The following RCN2 variants were observed in gnomAD, a reference collection of about 807,000 sequenced individuals.
RCN2 encodes the protein reticulocalbin 2, also known as reticulocalbin-2.
Under a neutral mutation model 37.5 loss-of-function variants are expected in RCN2, and 23 were observed. That is an observed-to-expected ratio of 0.61 (90% CI 0.44 to 0.87). RCN2 has a LOEUF of 0.87. Ranked by LOEUF, RCN2 falls within the 40% of genes least tolerant of loss-of-function variation. The pLI, the probability that RCN2 is intolerant of heterozygous loss-of-function variation, is 0.00. For synonymous variants in RCN2, 140 were observed against 144.6 expected (o/e 0.97, Z 0.23); for missense variants, 381 against 390.4 (o/e 0.98, Z 0.20).
intron 3 of RCN2, chr15:76,941,632 T>G: frequency 6.8e-7 from 1 of 1,465,096 alleles, no homozygotes; most frequent in Non-Finnish European, 9.2e-7. Context: ...TTGTTATTTT[T>G]TTAGGAATTT....
chr15:76,946,625 G>A (rs766603457), intron 4 of RCN2, among the ~76,000 whole-genome samples: 9 of 152,158 alleles, frequency 5.9e-5, no homozygotes, highest in Non-Finnish European at 1.0e-4. Flanking sequence ...GGTGGCATAC[G>A]CCTGTAGTCC....
Position 76,954,065 on chromosome 15 carries a change from T to C in RCN2, c.*4843T>C, listed in dbSNP as rs1297921383. On this transcript the variant is annotated 3_prime_UTR_variant, in exon 7 of 7. Coordinates refer to ENST00000394885, the MANE Select transcript of RCN2 (RefSeq NM_002902.3). ...TTTTTTTTTTTTTCTTTTTTTTTTT[T>C]AATAGTAGCCATCCTGTTGGGTGAG... 6.6e-6 allele frequency: 1 copy of C among 151,008 alleles called. No homozygotes were observed. Among genetic ancestry groups the C allele is most frequent in the Non-Finnish European group, 1.5e-5 (1 of 67,774 alleles). 9.4% of individuals were successfully genotyped at this position (151,008 alleles called of 1,614,324 possible).
rs2075277333 is a variant in RCN2 at position 76,941,714 on chromosome 15, C to A, written c.448-2044C>A. 1.0e-5 allele frequency: 13 copies of A among 1,269,928 alleles called. No homozygotes were observed. In the East Asian group the frequency reaches 3.3e-4, roughly 32 times the overall value. 78.7% of individuals were successfully genotyped at this position (1,269,928 alleles called of 1,614,324 possible). On this transcript the variant is annotated intron_variant, in intron 3 of 6. Transcript: ENST00000394885. ...ATGTGAGCTATTCTTATTTTGTGTTCTTCAAATGGCCGTGAAATGTGAACC... is the reference window on the plus strand; with the variant it reads ...ATGTGAGCTATTCTTATTTTGTGTTATTCAAATGGCCGTGAAATGTGAACC...
rs747416501 is a variant in RCN2, at chr15:76,947,530, G to A, written c.658+13G>A. 1 of 1,489,040 alleles carries A rather than the reference G, an allele frequency of 6.7e-7. No individual in the cohort carries two copies. The highest frequency in any genetic ancestry group is 1.8e-5 in the Admixed American group (1 of 55,134). 92.2% of individuals were successfully genotyped at this position (1,489,040 alleles called of 1,614,324 possible). A position where few individuals can be genotyped will look rare whatever the true frequency, so the allele number is the denominator to read the frequency against. ...AGGTGGGATCCAAGTAAGTCACCTG[G>A]GAGAATGTGAAAAGAGAAAAGGAAT... On this transcript the variant is annotated intron_variant, in intron 5 of 6. Transcript: ENST00000394885.
intron 2 of RCN2, among the ~76,000 whole-genome samples, chr15:76,933,330 A>T (rs1275608833): frequency 1.3e-5 from 2 of 152,236 alleles, no homozygotes; most frequent in Non-Finnish European, 2.9e-5. Context: ...GTTGCTGGAG[A>T]CAATTAAAAA....
At chr15:76,937,415 T>G (rs1314821333) in intron 3 of RCN2, among the ~76,000 whole-genome samples, 1 of 152,078 alleles carries the variant, frequency 6.6e-6, no homozygotes, top group African/African-American at 2.4e-5. Flanking sequence ...ACTCCTTTTT[T>G]TTTTTTATTT....
At chr15:76,939,717 G>A (rs1440607193) in intron 3 of RCN2, among the ~76,000 whole-genome samples, 2 of 152,048 alleles carry the variant, frequency 1.3e-5, no homozygotes, top group Admixed American at 1.3e-4. Flanking sequence ...TCCCTTCCTA[G>A]GAACAACAGA....
chr15:76,941,415 A>G (rs893055186), intron 3 of RCN2: 2 of 375,662 alleles, frequency 5.3e-6, no homozygotes, highest in African/African-American at 2.1e-5. Context: ...AGTATCACAC[A>G]TTATATATTT....
At position 76,950,371 on chromosome 15, in the gene RCN2, A is replaced by G. The variant is rs2075314789; in HGVS notation, c.*1149A>G. 6.7e-6 allele frequency: 1 copy of G among 149,266 alleles called. No homozygotes were observed. Among genetic ancestry groups the G allele is most frequent in the South Asian group, 2.1e-4 (1 of 4,738 alleles). 9.2% of individuals were successfully genotyped at this position (149,266 alleles called of 1,614,324 possible). A position where few individuals can be genotyped will look rare whatever the true frequency, so the allele number is the denominator to read the frequency against. On this transcript the variant is annotated 3_prime_UTR_variant, in exon 7 of 7. Coordinates refer to ENST00000394885, the MANE Select transcript of RCN2 (RefSeq NM_002902.3). ...ATTTTTTTCTAGTTCTGATGTACAGAGATTGTTTTTCATTCTTTTTTTTTT... is the reference window on the plus strand; with the variant it reads ...ATTTTTTTCTAGTTCTGATGTACAGGGATTGTTTTTCATTCTTTTTTTTTT...
chr15:76,954,141 C>G lies in RCN2; in HGVS notation c.*4919C>G, dbSNP rs1291328250. On this transcript the variant is annotated 3_prime_UTR_variant, in exon 7 of 7. Transcript: ENST00000394885. ...TTTGCATTTCCCTAATGGTCTGTCT[C>G]TACAGTTTTGCCTGTTCCAGAATAT... The G allele has an allele frequency of 6.7e-6, 1 of 149,084 alleles. No homozygotes were observed. Among genetic ancestry groups the G allele is most frequent in the Non-Finnish European group, 1.5e-5 (1 of 67,646 alleles). The allele number at this position is 149,084 out of a possible 1,614,324, so 9.2% of individuals were successfully genotyped here. A position where few individuals can be genotyped will look rare whatever the true frequency, so the allele number is the denominator to read the frequency against.
At position 76,948,506 on chromosome 15, in the gene RCN2, T is replaced by C; in HGVS notation, c.755T>C (p.Leu252Pro). Reference protein sequence around the residue: ...DNDGRLDPQELLPWVVPNNQG... With the variant: ...DNDGRLDPQEPLPWVVPNNQG... ...GATGGCAGGCTTGATCCCCAAGAGC[T>C]GTTACCTTGGGTAGTACCTAATAAT... Residue 252 changes from leucine (L) to proline (P), a missense_variant, in exon 6 of 7, where the codon CTG becomes CCG. Transcript: ENST00000394885. 1.2e-6 allele frequency: 2 copies of C among 1,607,940 alleles called. No individual in the cohort carries two copies.
At chr15:76,936,547 G>A (rs1163463915) in intron 3 of RCN2, among the ~76,000 whole-genome samples, 1 of 152,142 alleles carries the variant, frequency 6.6e-6, no homozygotes, top group African/African-American at 2.4e-5. Context: ...GATCTGATAG[G>A]AGGCAGAGCA....
intron 3 of RCN2, among the ~76,000 whole-genome samples, chr15:76,940,252 C>A (rs1211979774): frequency 6.6e-6 from 1 of 151,322 alleles, no homozygotes; most frequent in Non-Finnish European, 1.5e-5. Context: ...ATTGCTTGAG[C>A]CCAGGAATTT....
At chr15:76,941,725 C>T (rs777761316) in intron 3 of RCN2, 66 of 1,152,932 alleles carry the variant, frequency 5.7e-5, no homozygotes, top group Non-Finnish European at 7.0e-5. Flanking sequence ...TTCAAATGGC[C>T]GTGAAATGTG....
At chr15:76,943,563 T>A in intron 3 of RCN2, 195 bp from the exon 4 acceptor site, 1 of 405,204 alleles carries the variant, frequency 2.5e-6, no homozygotes, top group Admixed American at 4.0e-5. Flanking sequence ...AATTCAGGTC[T>A]GGGTCTATAT....
At chr15:76,932,189 T>G (rs961912344) in intron 1 of RCN2, among the ~76,000 whole-genome samples, 172 bp from the exon 2 acceptor site, 2 of 152,076 alleles carry the variant, frequency 1.3e-5, no homozygotes, top group African/African-American at 4.8e-5. Context: ...GCTGGATCCC[T>G]TCTACCCCTC....
chr15:76,942,516 G>A (rs929313808), intron 3 of RCN2: 8 of 152,204 alleles, frequency 5.3e-5, no homozygotes, highest in Admixed American at 5.2e-4. Flanking sequence ...TAAAAAGGGG[G>A]GTGGATGGGA....
Position 76,931,873 on chromosome 15 carries a change from G to GGCTGCT in RCN2, c.40_45dup (p.Leu14_Leu15dup). 7.6e-7 allele frequency: 1 copy of GGCTGCT among 1,309,496 alleles called. No individual in the cohort carries two copies. Among genetic ancestry groups the GGCTGCT allele is most frequent in the South Asian group, 2.0e-5 (1 of 49,998 alleles). The allele number at this position is 1,309,496 out of a possible 1,614,324, so 81.1% of individuals were successfully genotyped here. A position where few individuals can be genotyped will look rare whatever the true frequency, so the allele number is the denominator to read the frequency against. ...CTGGGCCCGAGGACCGCGGCGTTGG[G>GGCTGCT]GCTGCTGCTGCTGTGCGCCGCCGCG... On this transcript the variant is annotated inframe_insertion, in exon 1 of 7. Transcript: ENST00000394885.
At chr15:76,943,651 A>G in intron 3 of RCN2, 107 bp from the exon 4 acceptor site, 4 of 630,020 alleles carry the variant, frequency 6.3e-6, no homozygotes, top group Non-Finnish European at 1.1e-5. Flanking sequence ...CGATGTGAAG[A>G]TAAATGAGAT....
Sources: gnomAD v4.1 joint callset for allele counts (sites outside exome capture counted in the v4.1 genomes callset) on GRCh38, gnomAD v4.1.1 for gene constraint, MANE v1.5 for transcripts, NCBI Gene and HGNC (gene_info 2026-07-23, HGNC 2026-07-21) for gene names.